TMEM132C: variants seen among roughly 807,000 people sequenced by gnomAD.
TMEM132C encodes the protein transmembrane protein 132C, also known as protein phosphatase 1, regulatory subunit 152.
In TMEM132C, 29 loss-of-function variants were observed where a neutral mutation model predicts 61.4. That is an observed-to-expected ratio of 0.47 (90% CI 0.35 to 0.64). TMEM132C has a LOEUF of 0.64. TMEM132C is among the 30% of genes least tolerant of loss of function. The pLI is 0.00. For synonymous variants in TMEM132C, 656 were observed against 633.1 expected (o/e 1.04, Z -0.54); for missense variants, 1,408 against 1,476.9 (o/e 0.95, Z 0.76).
intron 8 of TMEM132C, among the ~76,000 whole-genome samples, chr12:128,697,841 C>G (rs1954777160): frequency 6.6e-6 from 1 of 152,214 alleles, no homozygotes; most frequent in Non-Finnish European, 1.5e-5. Flanking sequence ...CCCTCAGTCT[C>G]TCTCATCCTA....
intron 2 of TMEM132C, among the ~76,000 whole-genome samples, chr12:128,473,320 A>T (rs113416451): frequency 0.082 from 124 of 1,520 alleles, no homozygotes; most frequent in African/African-American, 0.094. Flanking sequence ...TCCAGCCTCT[A>T]TCTTCATCTT....
intron 1 of TMEM132C, among the ~76,000 whole-genome samples, chr12:128,380,873 T>G (rs1197617705): frequency 6.6e-6 from 1 of 152,238 alleles, no homozygotes; most frequent in Admixed American, 6.5e-5. Context: ...GACACCTGAT[T>G]AGATACATAT....
At position 128,280,651 on chromosome 12, in the gene TMEM132C, T is replaced by G. The variant is rs1230368854; in HGVS notation, c.85+13164T>G. Among the ~76,000 whole-genome samples, 3 of 152,212 alleles carry G rather than the reference T, an allele frequency of 2.0e-5. No individual in the cohort carries two copies. The East Asian group carries it at 5.8e-4, about 29-fold the overall frequency. ...GATGTGACTTGATCTGGGTATTCAA[T>G]TATAACATTAGAATTTGTTTAAAAA... On this transcript the variant is annotated intron_variant, in intron 1 of 8. Transcript: ENST00000435159.
At chr12:128,295,660 GA>G (rs1871388188) in intron 1 of TMEM132C, among the ~76,000 whole-genome samples, 1 of 139,874 alleles carries the variant, frequency 7.1e-6, no homozygotes. Context: ...AAAAAAGAAA[GA>G]AAAAAGGGTG....
intron 5 of TMEM132C, among the ~76,000 whole-genome samples, chr12:128,675,464 T>C (rs564897232): frequency 3.3e-5 from 5 of 152,252 alleles, no homozygotes; most frequent in African/African-American, 4.8e-5. Context: ...ATAGTCTCTG[T>C]ACATTCAAAT....
chr12:128,515,120 T>G (rs1872677054), intron 2 of TMEM132C, among the ~76,000 whole-genome samples: 1 of 152,242 alleles, frequency 6.6e-6, no homozygotes, highest in African/African-American at 2.4e-5. Flanking sequence ...ATAGTGGACT[T>G]CATCGGTCAG....
At chr12:128,480,357 A>G (rs989505253) in intron 2 of TMEM132C, among the ~76,000 whole-genome samples, 6 of 152,198 alleles carry the variant, frequency 3.9e-5, no homozygotes, top group African/African-American at 1.4e-4. Flanking sequence ...TCTTCGTGGA[A>G]TCTAAAACCT....
At chr12:128,658,937 G>A (rs1191117194) in intron 4 of TMEM132C, among the ~76,000 whole-genome samples, 1 of 152,232 alleles carries the variant, frequency 6.6e-6, no homozygotes. Flanking sequence ...AACCACTGAA[G>A]AGGAGAAAGC....
In TMEM132C at chr12:128,705,736, T is replaced by C; in HGVS notation, c.2768T>C (p.Leu923Pro). The C allele has an allele frequency of 6.4e-7, 1 of 1,551,460 alleles. No homozygotes were observed. Among genetic ancestry groups the C allele is most frequent in the Non-Finnish European group, 8.7e-7 (1 of 1,146,994 alleles). The part of the protein sequence containing the change: ...LVQTPRGLSD[L>P]EIGMYALLGV... ...CAGACTCCGCGGGGCCTGAGTGATC[T>C]GGAGATAGGGATGTACGCCCTCCTG... The change falls in exon 9 of 9, where the codon CTG (leucine) becomes CCG (proline). Residue 923 changes from leucine (L) to proline (P), a missense_variant. By Grantham distance (98) the Leu-to-Pro change is moderately conservative. Transcript: ENST00000435159.
At chr12:128,424,069 A>AAAAAAAG (rs1267892355) in intron 2 of TMEM132C, among the ~76,000 whole-genome samples, 1 of 149,162 alleles carries the variant, frequency 6.7e-6, no homozygotes, top group African/African-American at 2.5e-5. Flanking sequence ...AAAAAAAAAA[A>AAAAAAAG]ACTTTGGGAG....
intron 5 of TMEM132C, among the ~76,000 whole-genome samples, chr12:128,691,960 C>G (rs1171047831): frequency 1.4e-5 from 2 of 147,202 alleles, no homozygotes; most frequent in Non-Finnish European, 3.0e-5. Context: ...TGTCCACTAC[C>G]CATTCACCTG....
At chr12:128,620,504 C>T (rs554748831) in intron 4 of TMEM132C, among the ~76,000 whole-genome samples, 18 of 152,214 alleles carry the variant, frequency 1.2e-4, no homozygotes, top group Admixed American at 6.5e-4. Flanking sequence ...GCTCTGTTAG[C>T]GTCATGGACT....
At chr12:128,487,152 T>C (rs1411658751) in intron 2 of TMEM132C, among the ~76,000 whole-genome samples, 1 of 152,190 alleles carries the variant, frequency 6.6e-6, no homozygotes, top group African/African-American at 2.4e-5. Context: ...GTGGTATTGC[T>C]CATTCAATAG....
intron 8 of TMEM132C, among the ~76,000 whole-genome samples, chr12:128,702,579 C>T (rs1954811591): frequency 6.6e-6 from 1 of 152,168 alleles, no homozygotes; most frequent in African/African-American, 2.4e-5. Context: ...TTCTTTGTAT[C>T]ATGAGCACCT....
chr12:128,614,491 T>C (rs2135582641), intron 3 of TMEM132C, among the ~76,000 whole-genome samples: 1 of 152,164 alleles, frequency 6.6e-6, no homozygotes, highest in East Asian at 1.9e-4. Flanking sequence ...AGACTTGTGA[T>C]GTCATATTTG....
At chr12:128,427,579 C>T (rs998504749) in intron 2 of TMEM132C, among the ~76,000 whole-genome samples, 2 of 152,050 alleles carry the variant, frequency 1.3e-5, no homozygotes, top group South Asian at 2.1e-4. Context: ...GCTGGATCCT[C>T]CAGACTCCCC....
chr12:128,696,530 C>T (rs1456550469), intron 7 of TMEM132C, among the ~76,000 whole-genome samples: 2 of 152,188 alleles, frequency 1.3e-5, no homozygotes, highest in East Asian at 1.9e-4. Context: ...TTCTGTCTTC[C>T]TGCCATTTAC....
At chr12:128,305,235 A>G (rs1360061686) in intron 1 of TMEM132C, among the ~76,000 whole-genome samples, 1 of 152,098 alleles carries the variant, frequency 6.6e-6, no homozygotes, top group Non-Finnish European at 1.5e-5. Context: ...TATTATAATA[A>G]CTGTCATAAT....
intron 1 of TMEM132C, among the ~76,000 whole-genome samples, chr12:128,318,910 A>G (rs1872235572): frequency 1.3e-5 from 2 of 152,154 alleles, no homozygotes; most frequent in Admixed American, 6.5e-5. Flanking sequence ...GTGGGCCCTC[A>G]CCTTGCAGGG....
Sources: allele counts gnomAD v4.1 joint callset (sites outside exome capture counted in the v4.1 genomes callset), GRCh38; gene constraint gnomAD v4.1.1; transcripts MANE v1.5; gene names NCBI Gene and HGNC (gene_info 2026-07-23, HGNC 2026-07-21).